PDE11A: variants seen among roughly 807,000 people sequenced by gnomAD.
PDE11A encodes the protein dual 3',5'-cyclic-AMP and -GMP phosphodiesterase 11A.
A neutral mutation model predicts 100.5 loss-of-function variants in PDE11A; 100 were observed. The ratio of observed to expected loss-of-function variants is 1.00; its 90% confidence interval spans 0.85 to 1.18. The LOEUF (loss-of-function observed/expected upper bound fraction) is 1.18. Among genes scored for constraint, PDE11A ranks in the 50% most tolerant of loss-of-function variants. The pLI is 0.00. For synonymous variants in PDE11A, 381 were observed against 420.8 expected (o/e 0.91, Z 1.16); for missense variants, 1,141 against 1,152.6 (o/e 0.99, Z 0.15).
At chr2:177,666,970 T>G (rs980480446) in intron 18 of PDE11A, among the ~76,000 whole-genome samples, 5 of 139,706 alleles carry the variant, frequency 3.6e-5, no homozygotes, top group African/African-American at 1.3e-4. Flanking sequence ...TGGGCTGGAG[T>G]GCAGTGGCAC....
chr2:177,664,606 A>AT (rs2080540637), intron 18 of PDE11A, among the ~76,000 whole-genome samples: 1 of 152,126 alleles, frequency 6.6e-6, no homozygotes, highest in Admixed American at 6.6e-5. Flanking sequence ...AATAAATGAC[A>AT]TTTTTCTGTT....
At chr2:177,859,274 A>G (rs888461320) in intron 5 of PDE11A, among the ~76,000 whole-genome samples, 45 of 152,152 alleles carry the variant, frequency 3.0e-4, no homozygotes, top group African/African-American at 9.9e-4. Context: ...AACTTTAAAA[A>G]AATCCTTGTA....
At chr2:177,853,943 T>C (rs2083782363) in intron 5 of PDE11A, among the ~76,000 whole-genome samples, 1 of 148,234 alleles carries the variant, frequency 6.7e-6, no homozygotes, top group Non-Finnish European at 1.5e-5. Flanking sequence ...TGTGTGTATA[T>C]ATATCTATAT....
chr2:177,663,097 C>T (rs1371333874), intron 19 of PDE11A, among the ~76,000 whole-genome samples: 4 of 152,210 alleles, frequency 2.6e-5, no homozygotes, highest in Non-Finnish European at 4.4e-5. Flanking sequence ...CAAATGAAAG[C>T]AAATGCTTAG....
At chr2:177,766,105 C>T (rs2082235220) in intron 10 of PDE11A, among the ~76,000 whole-genome samples, 1 of 151,940 alleles carries the variant, frequency 6.6e-6, no homozygotes, top group Non-Finnish European at 1.5e-5. Context: ...TTTTTGGCGC[C>T]AGGGACCAGT....
At chr2:177,641,787 A>G (rs547545676) in intron 19 of PDE11A, among the ~76,000 whole-genome samples, 36 of 151,958 alleles carry the variant, frequency 2.4e-4, no homozygotes, top group African/African-American at 7.5e-4. Context: ...TACCAGCCTT[A>G]AAAACATATC....
intron 2 of PDE11A, among the ~76,000 whole-genome samples, chr2:178,098,208 A>G (rs560524360): frequency 1.6e-4 from 25 of 152,238 alleles, no homozygotes; most frequent in Non-Finnish European, 2.8e-4. Context: ...TTCAAGTGTA[A>G]TAACAATCCC....
chr2:177,717,241 G>C (rs998540350), intron 12 of PDE11A, among the ~76,000 whole-genome samples: 2 of 152,070 alleles, frequency 1.3e-5, no homozygotes, highest in African/African-American at 4.8e-5. Flanking sequence ...CTGGTAAATG[G>C]TTTCTGGGAG....
chr2:178,098,761 T>C (rs949510627), intron 2 of PDE11A, among the ~76,000 whole-genome samples: 5 of 152,234 alleles, frequency 3.3e-5, no homozygotes, highest in African/African-American at 1.2e-4. Context: ...GATTTTTGTA[T>C]AATGTAAGCA....
chr2:177,898,485 G>A (rs192758266), intron 3 of PDE11A, among the ~76,000 whole-genome samples: 5 of 152,308 alleles, frequency 3.3e-5, no homozygotes, highest in African/African-American at 9.6e-5. Context: ...GAGTCTTAAA[G>A]GATGCTGATT....
chr2:177,837,339 T>C (rs2105617305), intron 6 of PDE11A, among the ~76,000 whole-genome samples: 1 of 152,354 alleles, frequency 6.6e-6, no homozygotes, highest in African/African-American at 2.4e-5. Context: ...TAACAAACTT[T>C]GCTGCAGGCT....
chr2:177,802,923 G>C (rs561056415), intron 9 of PDE11A, among the ~76,000 whole-genome samples: 1 of 151,820 alleles, frequency 6.6e-6, no homozygotes, highest in East Asian at 1.9e-4. Flanking sequence ...ATTTGCTAAT[G>C]AAAATGTAAC....
intron 6 of PDE11A, 119 bp downstream of exon 6, chr2:177,840,132 T>G: frequency 9.5e-7 from 1 of 1,053,698 alleles, no homozygotes; most frequent in Non-Finnish European, 1.4e-6. Flanking sequence ...ATGCTAAAAA[T>G]AAGATCACAG....
At chr2:177,789,831 A>G (rs916223533) in intron 9 of PDE11A, among the ~76,000 whole-genome samples, 2 of 152,218 alleles carry the variant, frequency 1.3e-5, no homozygotes, top group African/African-American at 4.8e-5. Context: ...CCAACTTACA[A>G]GGGATGTGAA....
intron 7 of PDE11A, among the ~76,000 whole-genome samples, chr2:177,818,968 T>C (rs986781898): frequency 1.3e-5 from 2 of 151,252 alleles, no homozygotes; most frequent in Non-Finnish European, 3.0e-5. Context: ...TATATATAAA[T>C]AATGAAACAC....
At chr2:178,033,041 G>A (rs2086568896) in intron 1 of PDE11A, among the ~76,000 whole-genome samples, 1 of 152,336 alleles carries the variant, frequency 6.6e-6, no homozygotes, top group Middle Eastern at 3.4e-3. Context: ...ACTGGATGGA[G>A]AATGAGTTTG....
intron 5 of PDE11A, among the ~76,000 whole-genome samples, chr2:177,849,465 G>T (rs981849805): frequency 6.6e-6 from 1 of 152,144 alleles, no homozygotes; most frequent in Non-Finnish European, 1.5e-5. Context: ...ATCTCCTTAA[G>T]CTGATAAGCA....
chr2:178,099,156 T>C (rs1210148337), intron 2 of PDE11A, among the ~76,000 whole-genome samples: 2 of 152,334 alleles, frequency 1.3e-5, no homozygotes, highest in South Asian at 2.1e-4. Flanking sequence ...CCAGGAACAG[T>C]GGCCCACGCC....
At chr2:177,997,673 C>A in intron 2 of PDE11A, 1 of 1,551,832 alleles carries the variant, frequency 6.4e-7, no homozygotes, top group Non-Finnish European at 8.9e-7. Flanking sequence ...AGTTTTTCTG[C>A]ATTCAGTTTG....
Sources: gnomAD v4.1 joint callset for allele counts (sites outside exome capture counted in the v4.1 genomes callset) on GRCh38, gnomAD v4.1.1 for gene constraint, MANE v1.5 for transcripts, NCBI Gene and HGNC (gene_info 2026-07-23, HGNC 2026-07-21) for gene names.